RPH3A: variants seen among roughly 807,000 people sequenced by gnomAD.
The protein encoded by RPH3A is rabphilin-3A.
A neutral mutation model predicts 102.2 loss-of-function variants in RPH3A; 48 were observed. The observed-to-expected ratio is 0.47, with a 90% CI of 0.37 to 0.60. The LOEUF is 0.60. Among genes scored for constraint, RPH3A ranks in the 20% least tolerant of loss-of-function variants. The pLI is 0.00. For missense variants in RPH3A, 781 were observed against 910.1 expected (o/e 0.86, Z 1.83); for synonymous variants, 310 against 324.3 (o/e 0.96, Z 0.47).
chr12:112,895,947 CAG>C, intron 21 of RPH3A, 74 bp downstream of exon 21: 1 of 1,026,832 alleles, frequency 9.7e-7, no homozygotes, highest in Non-Finnish European at 1.5e-6. Flanking sequence ...TCCAGGGCTA[CAG>C]AGAGTTGAGG....
At chr12:112,787,447 C>T (rs2041058971), upstream of RPH3A, among the ~76,000 whole-genome samples, 2 of 152,190 alleles carry the variant, frequency 1.3e-5, no homozygotes, top group Non-Finnish European at 2.9e-5. Flanking sequence ...CTTGAGCTCT[C>T]CATGTCTGAT....
At chr12:112,627,636 A>C (rs1277919926) in intron 1 of RPH3A, among the ~76,000 whole-genome samples, 3 of 152,228 alleles carry the variant, frequency 2.0e-5, no homozygotes, top group Admixed American at 6.5e-5. Flanking sequence ...CTGACATTCT[A>C]GTGGGAGAGA....
At chr12:112,863,129 A>G (rs2042549999) in intron 5 of RPH3A, among the ~76,000 whole-genome samples, 1 of 152,200 alleles carries the variant, frequency 6.6e-6, no homozygotes, top group Admixed American at 6.5e-5. Flanking sequence ...GTTGTCATTC[A>G]GTGTGTGGTC....
chr12:112,782,046 G>A (rs556608143), intron 1 of RPH3A, among the ~76,000 whole-genome samples: 4 of 152,350 alleles, frequency 2.6e-5, no homozygotes, highest in African/African-American at 9.6e-5. Flanking sequence ...TGTGCAATGG[G>A]GGCAGAGAAG....
chr12:112,795,404 G>T (rs1386773821), intron 2 of RPH3A, among the ~76,000 whole-genome samples: 1 of 152,212 alleles, frequency 6.6e-6, no homozygotes, highest in Non-Finnish European at 1.5e-5. Flanking sequence ...TGAAGCTGAT[G>T]ATTTTAAATA....
intron 4 of RPH3A, among the ~76,000 whole-genome samples, chr12:112,840,728 G>A (rs982427259): frequency 6.6e-6 from 1 of 152,170 alleles, no homozygotes; most frequent in Non-Finnish European, 1.5e-5. Context: ...AGGTTCTACA[G>A]TGGGCAGTAA....
At chr12:112,781,601 G>C (rs1328580750) in intron 1 of RPH3A, among the ~76,000 whole-genome samples, 4 of 152,230 alleles carry the variant, frequency 2.6e-5, no homozygotes, top group Non-Finnish European at 5.9e-5. Context: ...TGGAGGATCA[G>C]TGAGCTATTG....
intron 5 of RPH3A, among the ~76,000 whole-genome samples, chr12:112,849,693 G>C (rs983782859): frequency 6.6e-6 from 1 of 152,132 alleles, no homozygotes; most frequent in African/African-American, 2.4e-5. Flanking sequence ...CCCAAAGCCT[G>C]GTACATAATA....
chr12:112,799,948 C>A (rs2041309604), intron 2 of RPH3A, among the ~76,000 whole-genome samples: 1 of 152,284 alleles, frequency 6.6e-6, no homozygotes, highest in Admixed American at 6.5e-5. Flanking sequence ...ACTGTGAGAA[C>A]CCCTGCTCTA....
chr12:112,594,947 A>G (rs2039506326), intron 1 of RPH3A, among the ~76,000 whole-genome samples: 1 of 152,174 alleles, frequency 6.6e-6, no homozygotes, highest in Non-Finnish European at 1.5e-5. Context: ...ATGGTATTCT[A>G]TTTGATTCTG....
chr12:112,599,237 C>T (rs572833774), intron 1 of RPH3A, among the ~76,000 whole-genome samples: 4 of 152,246 alleles, frequency 2.6e-5, no homozygotes, highest in African/African-American at 7.2e-5. Flanking sequence ...TGCAGCACCA[C>T]GAGGCTCAGT....
At chr12:112,630,112 T>TCATCTACCCATCCATC (rs1377745051) in intron 1 of RPH3A, among the ~76,000 whole-genome samples, 1 of 151,936 alleles carries the variant, frequency 6.6e-6, no homozygotes, top group Non-Finnish European at 1.5e-5. Flanking sequence ...GCCTAACCAC[T>TCATCTACCCATCCATC]CATCTACCCA....
At chr12:112,809,814 A>C (rs2041537036) in intron 2 of RPH3A, among the ~76,000 whole-genome samples, 2 of 152,162 alleles carry the variant, frequency 1.3e-5, no homozygotes, top group Admixed American at 1.3e-4. Context: ...CTCTCTAGGA[A>C]AGGTAATTAC....
At chr12:112,856,460 T>C (rs1289096184) in intron 5 of RPH3A, among the ~76,000 whole-genome samples, 2 of 149,806 alleles carry the variant, frequency 1.3e-5, no homozygotes, top group African/African-American at 5.0e-5. Context: ...TATTCTTGCA[T>C]GTAGGTTCTG....
chr12:112,866,687 G>T (rs899853193), intron 6 of RPH3A, 70 bp from the exon 7 acceptor site: 5 of 1,272,032 alleles, frequency 3.9e-6, no homozygotes, highest in African/African-American at 1.5e-5. Context: ...AAGAGAAAGT[G>T]GGGGGCTACG....
At chr12:112,854,041 T>C (rs898622574) in intron 5 of RPH3A, among the ~76,000 whole-genome samples, 2 of 152,230 alleles carry the variant, frequency 1.3e-5, no homozygotes, top group Non-Finnish European at 2.9e-5. Context: ...GGGATAGTCT[T>C]CAAATCCCTC....
intron 1 of RPH3A, among the ~76,000 whole-genome samples, chr12:112,592,120 T>C (rs1187831522): frequency 6.6e-6 from 1 of 152,184 alleles, no homozygotes; most frequent in Middle Eastern, 3.2e-3. Context: ...CTCACACCTG[T>C]AATCCTAGCA....
chr12:112,889,501 G>A (rs1175519001), intron 17 of RPH3A, among the ~76,000 whole-genome samples: 1 of 152,180 alleles, frequency 6.6e-6, no homozygotes, highest in South Asian at 2.1e-4. Context: ...CCCACTGAGG[G>A]CCCCTCCCCT....
chr12:112,803,836 C>T (rs930110110), intron 2 of RPH3A, among the ~76,000 whole-genome samples: 10 of 152,156 alleles, frequency 6.6e-5, no homozygotes, highest in African/African-American at 2.4e-4. Context: ...GATTGGAATT[C>T]CAGCTGCAAT....
Sources: allele counts gnomAD v4.1 joint callset (sites outside exome capture counted in the v4.1 genomes callset), GRCh38; gene constraint gnomAD v4.1.1; transcripts MANE v1.5; gene names NCBI Gene and HGNC (gene_info 2026-07-23, HGNC 2026-07-21).